Variants in ERC2 observed in about 807,000 individuals in gnomAD.
ERC2 encodes ERC protein 2.
A neutral mutation model predicts 114.8 loss-of-function variants in ERC2; 42 were observed. The observed-to-expected ratio is 0.37, with a 90% CI of 0.29 to 0.47. The LOEUF (loss-of-function observed/expected upper bound fraction) is 0.47, where lower values mean the gene tolerates loss of function less well. Among genes scored for constraint, ERC2 ranks in the 20% least tolerant of loss-of-function variants. The probability of loss-of-function intolerance (pLI) is 0.99; values close to 1 mark genes in which losing one functional copy is unlikely to be tolerated. For synonymous variants in ERC2, 454 were observed against 425.5 expected (o/e 1.07, Z -0.82); for missense variants, 939 against 1,150.7 (o/e 0.82, Z 2.66).
At chr3:55,705,241 T>G (rs2063421745) in intron 15 of ERC2, among the ~76,000 whole-genome samples, 1 of 152,140 alleles carries the variant, frequency 6.6e-6, no homozygotes, top group Admixed American at 6.5e-5. Flanking sequence ...GCTCCATGGG[T>G]CAAACGCCCC....
chr3:56,007,122 T>C, intron 10 of ERC2, 59 bp downstream of exon 10: 1 of 1,465,688 alleles, frequency 6.8e-7, no homozygotes, highest in Non-Finnish European at 9.1e-7. Context: ...TCTCTTCCTG[T>C]TCCATTTTAT....
At chr3:56,083,665 G>A (rs1448301418) in intron 6 of ERC2, among the ~76,000 whole-genome samples, 1 of 152,036 alleles carries the variant, frequency 6.6e-6, no homozygotes, top group Non-Finnish European at 1.5e-5. Context: ...CACCAACCTG[G>A]GAACTAAATT....
chr3:56,356,558 T>G (rs577269906), intron 2 of ERC2, among the ~76,000 whole-genome samples: 1 of 152,322 alleles, frequency 6.6e-6, no homozygotes, highest in African/African-American at 2.4e-5. Flanking sequence ...TAGCCCTCTC[T>G]TGATTCATTC....
Position 56,311,357 on chromosome 3 carries a change from T to A in ERC2, c.658-14922A>T, listed in dbSNP as rs975671518. Among the ~76,000 whole-genome samples, 5 of 144,286 alleles carry A rather than the reference T, an allele frequency of 3.5e-5. No individual in the cohort carries two copies. In the South Asian group the frequency reaches 1.1e-3, roughly 32 times the overall value. The allele number at this position is 144,286 out of a possible 152,430, so 94.7% of individuals were successfully genotyped here. A position where few individuals can be genotyped will look rare whatever the true frequency, so the allele number is the denominator to read the frequency against. ...CTCTGTCACCCAGGCTGGAGTGCAG[T>A]GGCGCAATCTCGGCTCGCTGCAAGC... On this transcript the variant is annotated intron_variant, in intron 2 of 17. Coordinates refer to ENST00000288221, the MANE Select transcript of ERC2 (RefSeq NM_015576.3).
chr3:56,046,408 T>C (rs1338121152), intron 7 of ERC2, among the ~76,000 whole-genome samples: 1 of 152,080 alleles, frequency 6.6e-6, no homozygotes, highest in East Asian at 1.9e-4. Flanking sequence ...AAGAACAGCA[T>C]AGACATCGGT....
chr3:55,809,470 T>C (rs2059631322), intron 14 of ERC2, among the ~76,000 whole-genome samples: 1 of 152,136 alleles, frequency 6.6e-6, no homozygotes. Flanking sequence ...ATTATCTCAA[T>C]AATAATACTA....
chr3:56,300,807 C>T (rs993117673), intron 2 of ERC2, among the ~76,000 whole-genome samples: 1 of 152,210 alleles, frequency 6.6e-6, no homozygotes, highest in Non-Finnish European at 1.5e-5. Context: ...CACTTTGACC[C>T]CAATGCCCCT....
intron 14 of ERC2, among the ~76,000 whole-genome samples, chr3:55,745,117 C>T (rs2066225566): frequency 6.6e-6 from 1 of 152,172 alleles, no homozygotes; most frequent in Admixed American, 6.5e-5. Flanking sequence ...GCACATTTGA[C>T]TTTCATGAGT....
intron 3 of ERC2, among the ~76,000 whole-genome samples, chr3:56,238,454 GCAGGTCATTAC>G (rs1309129775): frequency 6.6e-6 from 1 of 152,198 alleles, no homozygotes; most frequent in Admixed American, 6.5e-5. Flanking sequence ...GGGAGCTTGA[GCAGGTCATTAC>G]CACCTGCTCA....
At chr3:56,147,507 A>T (rs1016729995) in intron 5 of ERC2, among the ~76,000 whole-genome samples, 7 of 152,192 alleles carry the variant, frequency 4.6e-5, no homozygotes, top group African/African-American at 1.4e-4. Flanking sequence ...TGATGAAGTA[A>T]ACACTGGATA....
intron 17 of ERC2, among the ~76,000 whole-genome samples, chr3:55,569,525 C>T (rs2056581421): frequency 6.6e-6 from 1 of 152,178 alleles, no homozygotes; most frequent in Non-Finnish European, 1.5e-5. Flanking sequence ...TTCTTTGTAC[C>T]AATTACTCTT....
In ERC2 at chr3:56,171,464, G is replaced by A. The variant is rs769985611; in HGVS notation, c.1149+1982C>T. ...CAGAAAAACTTGAGGATCCGTTTCC[G>A]TTTCCTGAAAATTATATTGCTCTTC... On this transcript the variant is annotated intron_variant, in intron 4 of 17. Coordinates refer to ENST00000288221, the MANE Select transcript of ERC2 (RefSeq NM_015576.3). Among the ~76,000 whole-genome samples the A allele has an allele frequency of 1.8e-4, 28 of 152,200 alleles. 1 individual carries two copies. Among genetic ancestry groups the A allele is most frequent in the South Asian group, 8.3e-4 (4 of 4,814 alleles).
intron 11 of ERC2, among the ~76,000 whole-genome samples, chr3:55,990,849 A>C (rs2149523083): frequency 6.6e-6 from 1 of 152,356 alleles, no homozygotes. Flanking sequence ...ATTCAAGGCC[A>C]TGAAAGGCTA....
At chr3:56,460,235 G>C (rs951604313) in intron 1 of ERC2, among the ~76,000 whole-genome samples, 4 of 152,210 alleles carry the variant, frequency 2.6e-5, no homozygotes, top group African/African-American at 7.2e-5. Context: ...CATTGACAAT[G>C]GTTAAGGCTT....
rs184638389 is a variant in ERC2 at position 55,801,955 on chromosome 3, C to T, written c.2565-67037G>A. ...GTCTGGGGCAAGGCCCAAAAATTTACATTCCTAACAATTTCCTGGGTGCTA... is the reference window on the plus strand; with the variant it reads ...GTCTGGGGCAAGGCCCAAAAATTTATATTCCTAACAATTTCCTGGGTGCTA... On this transcript the variant is annotated intron_variant, in intron 14 of 17. Transcript: ENST00000288221. 1.5e-3 allele frequency among the ~76,000 whole-genome samples: 223 copies of T among 152,352 alleles called. 2 individuals carry two copies. The highest frequency in any genetic ancestry group is 3.5e-3 in the Admixed American group (54 of 15,302).
At chr3:56,284,700 T>C (rs113350995) in intron 3 of ERC2, among the ~76,000 whole-genome samples, 88 of 152,320 alleles carry the variant, frequency 5.8e-4, no homozygotes, top group Non-Finnish European at 9.7e-4. Flanking sequence ...GTAATCAAAA[T>C]GTAAGGCTTA....
chr3:56,277,782 A>G (rs971645565), intron 3 of ERC2, among the ~76,000 whole-genome samples: 1 of 151,526 alleles, frequency 6.6e-6, no homozygotes, highest in Non-Finnish European at 1.5e-5. Context: ...TAAACATCTA[A>G]TTTTCTTTAG....
At chr3:56,341,668 T>C (rs1279389569) in intron 2 of ERC2, among the ~76,000 whole-genome samples, 1 of 152,004 alleles carries the variant, frequency 6.6e-6, no homozygotes, top group African/African-American at 2.4e-5. Flanking sequence ...CCAGATATCA[T>C]CCCACTGTGC....
chr3:55,586,681 C>G (rs560375740), intron 17 of ERC2, among the ~76,000 whole-genome samples: 1 of 152,116 alleles, frequency 6.6e-6, no homozygotes, highest in Non-Finnish European at 1.5e-5. Flanking sequence ...CTCCTCTTAC[C>G]GTAGGAAAGA....
Sources: allele counts gnomAD v4.1 joint callset (sites outside exome capture counted in the v4.1 genomes callset), GRCh38; gene constraint gnomAD v4.1.1; transcripts MANE v1.5; gene names NCBI Gene and HGNC (gene_info 2026-07-23, HGNC 2026-07-21).